The following MTIF2 variants were observed in gnomAD, a reference collection of about 807,000 sequenced individuals.
MTIF2 encodes mitochondrial translational initiation factor 2, also known as translation initiation factor IF-2, mitochondrial.
Under a neutral mutation model 83.5 loss-of-function variants are expected in MTIF2, and 71 were observed. The ratio of observed to expected loss-of-function variants is 0.85; its 90% confidence interval spans 0.70 to 1.04. The LOEUF (loss-of-function observed/expected upper bound fraction) is 1.04. Ranked by LOEUF, MTIF2 falls within the 50% of genes least tolerant of loss-of-function variation. The probability of loss-of-function intolerance (pLI) is 0.00; values close to 1 mark genes in which losing one functional copy is unlikely to be tolerated. For synonymous variants in MTIF2, 319 were observed against 287.1 expected, an observed-to-expected ratio of 1.11 and a Z score of -1.12; for missense variants, 957 against 846.5, an observed-to-expected ratio of 1.13 and a Z score of -1.62.
rs1677376162 is a variant in MTIF2, at chr2:55,254,664, C to T, written c.493G>A (p.Ala165Thr). The stretch of plus-strand genomic sequence containing the variant: ...ACAGTTAAGTTTTACCTTCTTACAG[C>T]ATCTTTATTTTTTCTGACTTTGTCC... ...KQDKVRKNKD[A>T]VRRPQADPAL... The change falls in exon 6 of 16, where the codon GCT becomes ACT. Residue 165 changes from alanine to threonine, a missense_variant. Coordinates refer to ENST00000263629, the MANE Select transcript of MTIF2 (RefSeq NM_002453.3). 1 of 1,599,444 alleles carries T rather than the reference C, an allele frequency of 6.3e-7. No individual in the cohort carries two copies. Among genetic ancestry groups the T allele is most frequent in the Non-Finnish European group, 8.5e-7 (1 of 1,173,650 alleles).
At position 55,249,436 on chromosome 2, in the gene MTIF2, A is replaced by T; in HGVS notation, c.940T>A (p.Tyr314Asn). 6.2e-7 allele frequency: 1 copy of T among 1,614,108 alleles called. No homozygotes were observed. The part of the protein sequence containing the change: ...LLAYDVVCED[Y>N]GGDVQAVPVS... Reference sequence around the variant, plus strand: ...GGCACTGCTTGAACATCACCTCCATAATCTTCACATACCACATCGTAAGCC... The same window carrying T: ...GGCACTGCTTGAACATCACCTCCATTATCTTCACATACCACATCGTAAGCC... Residue 314 changes from tyrosine to asparagine, a missense_variant, in exon 9 of 16, where the codon TAT becomes AAT. Around this residue, in one of 3 missense-constraint regions of MTIF2, gnomAD observed 733 missense variants for 648.7 expected, o/e 1.13. Transcript: ENST00000263629.
At chr2:55,253,096 G>C (rs1035158115) in intron 7 of MTIF2, among the ~76,000 whole-genome samples, 1 of 152,032 alleles carries the variant, frequency 6.6e-6, no homozygotes, top group Non-Finnish European at 1.5e-5. Flanking sequence ...CTACTTACTG[G>C]CTATATACTG....
Position 55,243,547 on chromosome 2 carries a change from C to A in MTIF2, c.1433G>T (p.Arg478Leu). The change falls in exon 12 of 16, where the codon CGT becomes CTT. Residue 478 changes from arginine to leucine, a missense_variant. This residue lies in a region of MTIF2 where 733 missense variants were observed against 648.7 expected (regional missense o/e 1.13). Coordinates refer to ENST00000263629, the MANE Select transcript of MTIF2 (RefSeq NM_002453.3). ...CCACAGTAGATGGCCATACTTCTCA[C>A]GGGCTTTCTGATGTGCTTCTTTGTG... Reference protein sequence around the residue: ...KEHKEAHQKAREKYGHLLWKK... With the variant: ...KEHKEAHQKALEKYGHLLWKK... 6.2e-7 allele frequency: 1 copy of A among 1,614,082 alleles called. No homozygotes were observed. Among genetic ancestry groups the A allele is most frequent in the Non-Finnish European group, 8.5e-7 (1 of 1,179,998 alleles).
chr2:55,245,915 G>C (rs1179509035), intron 10 of MTIF2, among the ~76,000 whole-genome samples: 1 of 152,188 alleles, frequency 6.6e-6, no homozygotes, highest in African/African-American at 2.4e-5. Context: ...TGCTGATACA[G>C]AGGAAAATTC....
At chr2:55,255,139 C>G (rs538756349) in intron 5 of MTIF2, among the ~76,000 whole-genome samples, 1 of 151,456 alleles carries the variant, frequency 6.6e-6, no homozygotes, top group East Asian at 1.9e-4. Flanking sequence ...GTCTATTTCT[C>G]TAAAAATTTA....
At chr2:55,262,012 C>T (rs1296188971) in intron 5 of MTIF2, among the ~76,000 whole-genome samples, 2 of 151,284 alleles carry the variant, frequency 1.3e-5, no homozygotes, top group African/African-American at 4.9e-5. Flanking sequence ...AAGTATAGCC[C>T]CTCAGTCTAA....
chr2:55,246,535 G>T, intron 9 of MTIF2, 74 bp from the exon 10 acceptor site: 1 of 1,285,638 alleles, frequency 7.8e-7, no homozygotes, highest in South Asian at 1.3e-5. Flanking sequence ...GGGACAGAAA[G>T]TCACATAATA....
chr2:55,238,925 T>C (rs1212305512), intron 14 of MTIF2, among the ~76,000 whole-genome samples: 1 of 152,176 alleles, frequency 6.6e-6, no homozygotes, highest in Non-Finnish European at 1.5e-5. Context: ...AAACCTAAAA[T>C]AATAAATCTG....
intron 10 of MTIF2, 51 bp downstream of exon 10, chr2:55,246,286 T>C: frequency 6.5e-7 from 1 of 1,530,890 alleles, no homozygotes; most frequent in Non-Finnish European, 8.8e-7. Flanking sequence ...TATAATCAAG[T>C]CACGAAAACC....
intron 3 of MTIF2, among the ~76,000 whole-genome samples, chr2:55,265,127 C>A (rs185607058): frequency 4.6e-5 from 7 of 151,612 alleles, no homozygotes; most frequent in African/African-American, 7.3e-5. Context: ...CCTGCAATCC[C>A]AGCTACCCAG....
chr2:55,269,150 C>T lies in MTIF2; in HGVS notation c.-237+19G>A, dbSNP rs1260386785. ...ACCGGACAACCCTGGTTAAGGGATC[C>T]TACCCACTTAACTCCTACCTACAGC... On this transcript the variant is annotated intron_variant, in intron 1 of 15. Transcript: ENST00000263629. The T allele has an allele frequency of 2.0e-5, 3 of 152,354 alleles. No individual in the cohort carries two copies. In the East Asian group the frequency reaches 5.8e-4, roughly 29 times the overall value. 9.4% of individuals were successfully genotyped at this position (152,354 alleles called of 1,614,324 possible).
intron 6 of MTIF2, 121 bp downstream of exon 6, chr2:55,254,533 A>C (rs1040584545): frequency 2.4e-6 from 2 of 821,318 alleles, no homozygotes; most frequent in Middle Eastern, 2.4e-4. Context: ...AGTACTTCGA[A>C]GTTTATACAC....
chr2:55,242,204 C>G (rs903725921), intron 13 of MTIF2, among the ~76,000 whole-genome samples: 7 of 151,586 alleles, frequency 4.6e-5, no homozygotes, highest in African/African-American at 1.7e-4. Flanking sequence ...ATCTGTATTA[C>G]AGCACAGTGC....
chr2:55,237,969 C>T (rs1236967551), intron 14 of MTIF2, among the ~76,000 whole-genome samples: 1 of 152,018 alleles, frequency 6.6e-6, no homozygotes, highest in Non-Finnish European at 1.5e-5. Context: ...CTATTCTTGT[C>T]TGCTCCATGA....
chr2:55,240,117 T>A lies in MTIF2; in HGVS notation c.1764A>T (p.Lys588Asn). The change falls in exon 14 of 16, where the codon AAA (lysine) becomes AAT (asparagine). Residue 588 changes from lysine to asparagine, a missense_variant. Lys to Asn is a moderately conservative substitution (Grantham distance 94, BLOSUM62 0). This residue lies in a region of MTIF2 where 221 missense variants were observed against 180.6 expected (regional missense o/e 1.22). Transcript: ENST00000263629. ...AGNVIQQSAA[K>N]KGVKIKLHKI... The stretch of plus-strand genomic sequence containing the variant: ...TGTGAAGTTTAATTTTTACTCCTTT[T>A]TTTGCAGCTGACTGTTGGATAACAT... 6.2e-7 allele frequency: 1 copy of A among 1,614,066 alleles called. No individual in the cohort carries two copies. The highest frequency in any genetic ancestry group is 8.5e-7 in the Non-Finnish European group (1 of 1,179,992).
intron 5 of MTIF2, among the ~76,000 whole-genome samples, chr2:55,259,488 G>A (rs926635490): frequency 4.9e-5 from 5 of 102,818 alleles, no homozygotes; most frequent in African/African-American, 1.2e-4. Context: ...TGTGTATAGG[G>A]GTAGGGGGTA....
chr2:55,237,307 A>G lies in MTIF2; in HGVS notation c.1992T>C (p.Asn664=), dbSNP rs1234895558. ...EKQKKFKLTR[N]GHVIWKGSLT... is the part of the protein sequence containing the mutation. ...GCTTACCCTTCCAAATTACATGTCC[A>G]TTACGGGTTAGTTTAAATTTTTTTT... The change falls in exon 15 of 16, where the codon AAT becomes AAC. Residue 664 remains asparagine, a synonymous_variant. Transcript: ENST00000263629. 1 of 1,612,584 alleles carries G rather than the reference A, an allele frequency of 6.2e-7. No individual in the cohort carries two copies. The highest frequency in any genetic ancestry group is 8.5e-7 in the Non-Finnish European group (1 of 1,179,824).
At chr2:55,267,748 A>G (rs1054443871) in intron 2 of MTIF2, 113 bp from the exon 3 acceptor site, 5 of 152,498 alleles carry the variant, frequency 3.3e-5, no homozygotes, top group Admixed American at 1.3e-4. Context: ...TTTTAAAACC[A>G]TATCACATGT....
At chr2:55,268,027 C>T (rs1002997938) in intron 2 of MTIF2, among the ~76,000 whole-genome samples, 4 of 151,964 alleles carry the variant, frequency 2.6e-5, no homozygotes, top group Non-Finnish European at 4.4e-5. Flanking sequence ...TCGAGGCGGG[C>T]GGATCACCTG....
Sources: allele counts gnomAD v4.1 joint callset (sites outside exome capture counted in the v4.1 genomes callset), GRCh38; gene constraint gnomAD v4.1.1; regional missense constraint gnomAD v4.1.1; transcripts MANE v1.5; gene names NCBI Gene and HGNC (gene_info 2026-07-23, HGNC 2026-07-21).